The following ZPBP variants were observed in gnomAD, a reference collection of about 807,000 sequenced individuals.
ZPBP encodes the protein zona pellucida-binding protein 1.
Under a neutral mutation model 44.8 loss-of-function variants are expected in ZPBP, and 26 were observed. The observed-to-expected ratio is 0.58, with a 90% CI of 0.43 to 0.81. The LOEUF (loss-of-function observed/expected upper bound fraction) is 0.81. ZPBP is among the 30% of genes least tolerant of loss of function. ZPBP has a pLI of 0.00. For missense variants in ZPBP, 409 were observed against 434.0 expected (o/e 0.94, Z 0.51); for synonymous variants, 174 against 153.2 (o/e 1.14, Z -1.00).
chr7:50,085,094 T>C (rs12718239), intron 2 of ZPBP, among the ~76,000 whole-genome samples: 42,029 of 151,938 alleles, frequency 0.28, 6,694 homozygotes, highest in Non-Finnish European at 0.37. Flanking sequence ...TAAAATGAAG[T>C]CATCAGGCTG....
At chr7:49,993,858 A>G (rs990860571) in intron 6 of ZPBP, among the ~76,000 whole-genome samples, 6 of 54,014 alleles carry the variant, frequency 1.1e-4, no homozygotes, top group African/African-American at 4.5e-4. Flanking sequence ...ACATTGGGAC[A>G]TGACTGGTAG....
At chr7:49,902,791 T>C (rs1364198860) in intron 1 of ZPBP, among the ~76,000 whole-genome samples, 1 of 152,092 alleles carries the variant, frequency 6.6e-6, no homozygotes, top group African/African-American at 2.4e-5. Flanking sequence ...TTTTGAAATA[T>C]AAATTTTTTC....
intron 1 of ZPBP, among the ~76,000 whole-genome samples, chr7:49,931,383 C>G (rs1251481016): frequency 2.0e-5 from 3 of 152,054 alleles, no homozygotes; most frequent in Non-Finnish European, 4.4e-5. Flanking sequence ...TAGTTTTGCC[C>G]AAAATTCTGA....
chr7:49,991,708 T>C (rs1211606785), intron 6 of ZPBP, among the ~76,000 whole-genome samples: 1 of 152,032 alleles, frequency 6.6e-6, no homozygotes, highest in Non-Finnish European at 1.5e-5. Context: ...TTTTTTTAAG[T>C]AGTATATTTC....
downstream of ZPBP, among the ~76,000 whole-genome samples, chr7:49,846,443 A>G (rs895678463): frequency 6.6e-6 from 1 of 152,144 alleles, no homozygotes; most frequent in African/African-American, 2.4e-5. Flanking sequence ...AGAACAACAT[A>G]AAGTTCTCCC....
intron 2 of ZPBP, among the ~76,000 whole-genome samples, chr7:49,872,662 T>C (rs1270814769): frequency 6.6e-6 from 1 of 151,420 alleles, no homozygotes; most frequent in Non-Finnish European, 1.5e-5. Flanking sequence ...TCCCAGCTCT[T>C]TGGGAGGTCA....
At chr7:50,080,578 T>A (rs903000451) in intron 3 of ZPBP, among the ~76,000 whole-genome samples, 2 of 151,734 alleles carry the variant, frequency 1.3e-5, no homozygotes, top group Non-Finnish European at 3.0e-5. Flanking sequence ...CAATAAAAAA[T>A]TCAATGCTTA....
intron 7 of ZPBP, chr7:49,943,629 C>A: frequency 1.2e-5 from 4 of 322,330 alleles, no homozygotes; most frequent in South Asian, 1.2e-4. Context: ...GGACAGCAAC[C>A]CATCATTTTG....
chr7:49,984,638 G>A (rs1797171429), intron 6 of ZPBP, among the ~76,000 whole-genome samples: 1 of 152,124 alleles, frequency 6.6e-6, no homozygotes, highest in Admixed American at 6.5e-5. Flanking sequence ...TCACTGATCT[G>A]ACAGGAAGCG....
chr7:49,981,394 A>ATT, intron 7 of ZPBP, among the ~76,000 whole-genome samples: 1 of 20,086 alleles, frequency 5.0e-5, no homozygotes, highest in African/African-American at 3.4e-4. Flanking sequence ...AATTATATAT[A>ATT]TTATATATAA....
intron 5 of ZPBP, among the ~76,000 whole-genome samples, chr7:50,020,242 A>G (rs1947947): frequency 0.79 from 120,564 of 151,946 alleles, 47,971 homozygotes; most frequent in East Asian, 0.87. Context: ...TCATCACGAT[A>G]ATGTAAAATT....
chr7:49,979,583 T>A (rs551395168), intron 7 of ZPBP, among the ~76,000 whole-genome samples: 58 of 151,578 alleles, frequency 3.8e-4, no homozygotes, highest in East Asian at 9.7e-4. Flanking sequence ...ACAAAAAAAA[T>A]TTTTAATGAT....
At chr7:49,942,294 C>T in intron 7 of ZPBP, 1 of 224,978 alleles carries the variant, frequency 4.4e-6, no homozygotes. Context: ...CCCTCTGAGT[C>T]ATTGGTCTTC....
At chr7:50,012,507 T>TTA (rs1798634615) in intron 6 of ZPBP, among the ~76,000 whole-genome samples, 1 of 151,648 alleles carries the variant, frequency 6.6e-6, no homozygotes, top group Non-Finnish European at 1.5e-5. Context: ...GATATATAAC[T>TTA]TATATATATA....
chr7:49,882,434 C>T (rs995701903), intron 2 of ZPBP, among the ~76,000 whole-genome samples: 2 of 151,970 alleles, frequency 1.3e-5, no homozygotes, highest in Non-Finnish European at 2.9e-5. Context: ...CCATATACAT[C>T]CTATATGGAA....
chr7:50,000,029 T>C (rs1798026048), intron 6 of ZPBP, among the ~76,000 whole-genome samples: 3 of 152,026 alleles, frequency 2.0e-5, no homozygotes, highest in South Asian at 4.1e-4. Flanking sequence ...TAGAAGTAAA[T>C]AGATGTAAGG....
At chr7:49,953,318 G>A (rs979354442) in intron 7 of ZPBP, among the ~76,000 whole-genome samples, 5 of 152,132 alleles carry the variant, frequency 3.3e-5, no homozygotes, top group Non-Finnish European at 7.4e-5. Context: ...CAGCAGGTAT[G>A]TGTGAGGAAG....
intron 7 of ZPBP, among the ~76,000 whole-genome samples, chr7:49,946,954 T>C (rs946693777): frequency 6.6e-6 from 1 of 152,182 alleles, no homozygotes; most frequent in African/African-American, 2.4e-5. Flanking sequence ...TTCTTTATTT[T>C]GCCTGATAAA....
chr7:49,890,644 A>G lies in ZPBP; in HGVS notation n.509+10474T>C, dbSNP rs1378332029. Among the ~76,000 whole-genome samples the G allele has an allele frequency of 2.0e-5, 3 of 152,230 alleles. No homozygotes were observed. The East Asian group carries it at 5.8e-4, about 29-fold the overall frequency. On this transcript the variant is annotated intron_variant and non_coding_transcript_variant, in intron 2 of 2. Coordinates refer to the ZPBP transcript ENST00000465922. Reference sequence around the variant, plus strand: ...CATCCCAAAGCTACTTTTAGCCATGATGGAACAGGGTGCATGAGAGTAACT... The same window carrying G: ...CATCCCAAAGCTACTTTTAGCCATGGTGGAACAGGGTGCATGAGAGTAACT...
Sources: gnomAD v4.1 joint callset for allele counts (sites outside exome capture counted in the v4.1 genomes callset) on GRCh38, gnomAD v4.1.1 for gene constraint, MANE v1.5 for transcripts, NCBI Gene and HGNC (gene_info 2026-07-23, HGNC 2026-07-21) for gene names.